The following ADAM10 variants were observed in gnomAD, a reference collection of about 807,000 sequenced individuals.
ADAM10 encodes the protein disintegrin and metalloproteinase domain-containing protein 10.
A neutral mutation model predicts 90.1 loss-of-function variants in ADAM10; 17 were observed. The observed-to-expected ratio is 0.19, with a 90% CI of 0.13 to 0.28. ADAM10 has a LOEUF of 0.28. Among genes scored for constraint, ADAM10 ranks in the 10% least tolerant of loss-of-function variants. The probability of loss-of-function intolerance (pLI) is 1.00; values close to 1 mark genes in which losing one functional copy is unlikely to be tolerated. For synonymous variants in ADAM10, 310 were observed against 298.6 expected (o/e 1.04, Z -0.40); for missense variants, 610 against 914.3 (o/e 0.67, Z 4.29).
At position 58,597,158 on chromosome 15, in the gene ADAM10, C is replaced by G. The variant is rs1894976275; in HGVS notation, c.*389G>C. The G allele has an allele frequency of 2.1e-6, 1 of 485,056 alleles. No homozygotes were observed. The highest frequency in any genetic ancestry group is 3.7e-6 in the Non-Finnish European group (1 of 271,882). 30.0% of individuals were successfully genotyped at this position (485,056 alleles called of 1,614,324 possible). A position where few individuals can be genotyped will look rare whatever the true frequency, so the allele number is the denominator to read the frequency against. ...TGTTGAGGTGGTCGAGCCTCCTAGCCTTGATTGGCAGTTGAAAAAAATATA... is the reference window on the plus strand; with the variant it reads ...TGTTGAGGTGGTCGAGCCTCCTAGCGTTGATTGGCAGTTGAAAAAAATATA... On this transcript the variant is annotated 3_prime_UTR_variant, in exon 16 of 16. Coordinates refer to ENST00000260408, the MANE Select transcript of ADAM10 (RefSeq NM_001110.4).
At position 58,594,934 on chromosome 15, in the gene ADAM10, C is replaced by G. The variant is rs2140982240; in HGVS notation, c.*2613G>C. 1 of 152,254 alleles carries G rather than the reference C, an allele frequency of 6.6e-6. No homozygotes were observed. Among genetic ancestry groups the G allele is most frequent in the South Asian group, 2.1e-4 (1 of 4,828 alleles). The allele number at this position is 152,254 out of a possible 1,614,324, so 9.4% of individuals were successfully genotyped here. On this transcript the variant is annotated 3_prime_UTR_variant, in exon 16 of 16. Transcript: ENST00000260408. ...AGAATTTGAAGCAGATTACCTCATGCAGGGAATTATTCTGGGCTTACAATT... is the reference window on the plus strand; with the variant it reads ...AGAATTTGAAGCAGATTACCTCATGGAGGGAATTATTCTGGGCTTACAATT...
intron 9 of ADAM10, among the ~76,000 whole-genome samples, chr15:58,629,647 A>G (rs1380710082): frequency 1.3e-5 from 2 of 152,214 alleles, no homozygotes; most frequent in Non-Finnish European, 2.9e-5. Flanking sequence ...ACAAAAATGC[A>G]TAAATAAAAA....
intron 2 of ADAM10, chr15:58,698,197 A>T (rs1898028197): frequency 5.4e-6 from 2 of 368,904 alleles, no homozygotes; most frequent in African/African-American, 4.4e-5. Flanking sequence ...ATTCAAAATA[A>T]TATTTAAAAA....
intron 9 of ADAM10, among the ~76,000 whole-genome samples, chr15:58,632,345 T>G (rs578148662): frequency 1.3e-5 from 2 of 152,226 alleles, no homozygotes; most frequent in Non-Finnish European, 2.9e-5. Flanking sequence ...TAAGGATAGA[T>G]AGAGTTCCTT....
At chr15:58,691,673 CTTCTTTT>C in intron 2 of ADAM10, 1 of 256,932 alleles carries the variant, frequency 3.9e-6, no homozygotes, top group South Asian at 3.3e-5. Context: ...GCCACTTCTT[CTTCTTTT>C]TTTTTTTTTT....
At chr15:58,718,611 T>C (rs1220455975) in intron 1 of ADAM10, among the ~76,000 whole-genome samples, 1 of 152,210 alleles carries the variant, frequency 6.6e-6, no homozygotes, top group African/African-American at 2.4e-5. Context: ...CAATGCTCCA[T>C]GAACTGAGTT....
chr15:58,726,944 G>T (rs1393829213), intron 1 of ADAM10, among the ~76,000 whole-genome samples: 1 of 151,214 alleles, frequency 6.6e-6, no homozygotes, highest in African/African-American at 2.4e-5. Flanking sequence ...AGGGGAAGGG[G>T]AAGAGCAAGC....
chr15:58,616,637 T>C (rs1296355686), intron 11 of ADAM10, among the ~76,000 whole-genome samples: 1 of 151,998 alleles, frequency 6.6e-6, no homozygotes, highest in African/African-American at 2.4e-5. Flanking sequence ...GCTAAAGCAA[T>C]ATTAAGACGG....
rs79738153 is a variant in ADAM10 at position 58,673,914 on chromosome 15, T to G, written c.484+5210A>C. On this transcript the variant is annotated intron_variant, in intron 4 of 15. Transcript: ENST00000260408. Reference sequence around the variant, plus strand: ...CACGCCCGGCTAACTTTTTGTATTTTTAGTAGAGACGGGGTTTCACTGTTT... The same window carrying G: ...CACGCCCGGCTAACTTTTTGTATTTGTAGTAGAGACGGGGTTTCACTGTTT... Among the ~76,000 whole-genome samples, 8 of 152,250 alleles carry G rather than the reference T, an allele frequency of 5.3e-5. No homozygotes were observed. In the East Asian group the frequency reaches 1.5e-3, roughly 29 times the overall value.
chr15:58,720,470 G>A (rs992062607), intron 1 of ADAM10, among the ~76,000 whole-genome samples: 5 of 150,502 alleles, frequency 3.3e-5, no homozygotes, highest in Admixed American at 6.7e-5. Context: ...GCACAATCTC[G>A]GCTCACCGCA....
chr15:58,635,271 T>G (rs1288774558), intron 8 of ADAM10, among the ~76,000 whole-genome samples: 10 of 57,862 alleles, frequency 1.7e-4, no homozygotes, highest in African/African-American at 9.6e-4. Flanking sequence ...CAAGACTCTG[T>G]CTCAAAAAAA....
At chr15:58,713,762 C>T (rs1898552149) in intron 2 of ADAM10, among the ~76,000 whole-genome samples, 1 of 151,888 alleles carries the variant, frequency 6.6e-6, no homozygotes, top group African/African-American at 2.4e-5. Context: ...CTTTTATTTT[C>T]AAACAACTTT....
At chr15:58,606,719 T>C (rs747531470) in intron 14 of ADAM10, among the ~76,000 whole-genome samples, 20 of 152,176 alleles carry the variant, frequency 1.3e-4, no homozygotes, top group Non-Finnish European at 2.9e-4. Flanking sequence ...GACAAACTAT[T>C]AGCACGCACC....
At chr15:58,715,537 T>A (rs1898630191) in intron 2 of ADAM10, among the ~76,000 whole-genome samples, 1 of 152,188 alleles carries the variant, frequency 6.6e-6, no homozygotes, top group African/African-American at 2.4e-5. Flanking sequence ...TGAATATCTA[T>A]AGCATTTTAT....
intron 2 of ADAM10, among the ~76,000 whole-genome samples, chr15:58,689,615 T>C (rs1414793536): frequency 3.3e-5 from 5 of 151,914 alleles, no homozygotes. Flanking sequence ...ACATTGTCAA[T>C]GAAGAATAAA....
chr15:58,707,577 A>T (rs570394939), intron 2 of ADAM10, among the ~76,000 whole-genome samples: 1 of 152,340 alleles, frequency 6.6e-6, no homozygotes, highest in South Asian at 2.1e-4. Flanking sequence ...GAAGACAAAC[A>T]GAACAACAAC....
At chr15:58,615,067 G>T (rs191147256) in intron 11 of ADAM10, among the ~76,000 whole-genome samples, 1 of 152,116 alleles carries the variant, frequency 6.6e-6, no homozygotes, top group Non-Finnish European at 1.5e-5. Context: ...GAGGTCAGGA[G>T]ATCGAAACCA....
intron 5 of ADAM10, chr15:58,655,318 T>C (rs1312816346): frequency 1.3e-5 from 2 of 154,044 alleles, no homozygotes; most frequent in African/African-American, 4.8e-5. Context: ...TGGCATCCGC[T>C]TGGCTTCTAG....
At chr15:58,696,327 C>A (rs1298137533) in intron 2 of ADAM10, among the ~76,000 whole-genome samples, 1 of 151,826 alleles carries the variant, frequency 6.6e-6, no homozygotes, top group African/African-American at 2.4e-5. Flanking sequence ...GCTATACACC[C>A]TACCCAAAGA....
Sources: allele counts gnomAD v4.1 joint callset (sites outside exome capture counted in the v4.1 genomes callset), GRCh38; gene constraint gnomAD v4.1.1; transcripts MANE v1.5; gene names NCBI Gene and HGNC (gene_info 2026-07-23, HGNC 2026-07-21).